SSC5D: variants seen among roughly 807,000 people sequenced by gnomAD.
The protein encoded by SSC5D is soluble scavenger receptor cysteine-rich domain-containing protein SSC5D.
SSC5D carries 106 observed loss-of-function variants against 104.6 expected under a neutral mutation model. The observed-to-expected ratio is 1.01, with a 90% CI of 0.87 to 1.19. The LOEUF is 1.19. Among genes scored for constraint, SSC5D ranks in the 50% most tolerant of loss-of-function variants. The pLI is 0.00. For missense variants in SSC5D, 1,993 were observed against 2,153.8 expected, an observed-to-expected ratio of 0.93 and a Z score of 1.48; for synonymous variants, 860 against 883.5, an observed-to-expected ratio of 0.97 and a Z score of 0.47.
In SSC5D at chr19:55,514,457, T is replaced by TAATAGTC. The variant is rs1555767535; in HGVS notation, c.2947+1286_2947+1287insATAGTCA. 6.3e-4 allele frequency among the ~76,000 whole-genome samples: 83 copies of TAATAGTC among 132,562 alleles called. 2 individuals are homozygous for TAATAGTC. The highest frequency in any genetic ancestry group is 1.5e-3 in the East Asian group (7 of 4,586). 87.0% of individuals were successfully genotyped at this position (132,562 alleles called of 152,430 possible). Reference sequence around the variant, plus strand: ...ATAATAATAATAATAATAATAATAATAGGTGTGGTGGCAGGCGCCTGTAAT... The same window carrying TAATAGTC: ...ATAATAATAATAATAATAATAATAATAATAGTCAGGTGTGGTGGCAGGCGCCTGTAAT... On this transcript the variant is annotated intron_variant, in intron 13 of 13. Transcript: ENST00000389623.
chr19:55,507,663 C>CT (rs1987665730), intron 12 of SSC5D, among the ~76,000 whole-genome samples: 1 of 58,524 alleles, frequency 1.7e-5, no homozygotes. Flanking sequence ...GAGACTCCGT[C>CT]TCAAAAAAAA....
At chr19:55,509,541 CAG>C (rs1331823976) in intron 12 of SSC5D, among the ~76,000 whole-genome samples, 3 of 148,268 alleles carry the variant, frequency 2.0e-5, no homozygotes, top group Admixed American at 6.9e-5. Context: ...CAGAATGAGC[CAG>C]AGTTATGTGT....
chr19:55,488,587 A>G lies in SSC5D; in HGVS notation c.-3A>G. 2 of 1,549,222 alleles carry G rather than the reference A, an allele frequency of 1.3e-6. No homozygotes were observed. Among genetic ancestry groups the G allele is most frequent in the Middle Eastern group, 3.3e-4 (2 of 5,982 alleles). On this transcript the variant is annotated 5_prime_UTR_variant, in exon 1 of 14. Transcript: ENST00000389623. ...CACCCCATCCCCTGCCCTGGCTGCA[A>G]CCATGAGGGTCTTGGCCTGCCTCCT...
rs773975323 is a variant in SSC5D at position 55,494,635 on chromosome 19, C to T, written c.1239C>T (p.Pro413=). The change falls in exon 8 of 14, where the codon CCC becomes CCT. Residue 413 remains proline, a synonymous_variant. Coordinates refer to ENST00000389623, the MANE Select transcript of SSC5D (RefSeq NM_001144950.2). ...GCATGCCCCTGGGCTACGTCCCTCC[C>T]ACGGCCCCCACGGACAGCAACAACT... The part of the protein sequence containing the change: ...CDGMPLGYVP[P]TAPTDSNNST... 7 of 1,542,182 alleles carry T rather than the reference C, an allele frequency of 4.5e-6. No homozygotes were observed. The highest frequency in any genetic ancestry group is 6.1e-6 in the Non-Finnish European group (7 of 1,141,750).
chr19:55,517,446 G>A lies in SSC5D; in HGVS notation c.3170G>A (p.Arg1057Gln). 1.9e-6 allele frequency: 3 copies of A among 1,550,918 alleles called. No homozygotes were observed. The highest frequency in any genetic ancestry group is 8.7e-7 in the Non-Finnish European group (1 of 1,146,954). ...TSPPTPDPAS[R>Q]TNPDLILTSP... ...CCACCCACCCCAGACCCGGCCTCCC[G>A]GACGAACCCCGACCTCATCTTGACA... Residue 1057 changes from arginine to glutamine, a missense_variant, in exon 14 of 14, where the codon CGG becomes CAG. By Grantham distance (43) the Arg-to-Gln change is conservative (BLOSUM62 1). This residue lies in a region of SSC5D where 423 missense variants were observed against 409.2 expected (regional missense o/e 1.03). Transcript: ENST00000389623.
At chr19:55,497,804 G>A (rs1987361663) in intron 8 of SSC5D, 76 bp from the exon 9 acceptor site, 2 of 1,320,858 alleles carry the variant, frequency 1.5e-6, no homozygotes, top group Non-Finnish European at 1.0e-6. Flanking sequence ...AAGATGGGGG[G>A]AGGGAAAGGT....
chr19:55,498,679 A>C (rs929451763), intron 9 of SSC5D, among the ~76,000 whole-genome samples: 1 of 152,238 alleles, frequency 6.6e-6, no homozygotes, highest in Non-Finnish European at 1.5e-5. Flanking sequence ...TGCTGGGCTC[A>C]TGAATGGAAT....
At chr19:55,498,294 C>T in intron 9 of SSC5D, 97 bp downstream of exon 9, 1 of 1,312,642 alleles carries the variant, frequency 7.6e-7, no homozygotes, top group South Asian at 1.3e-5. Flanking sequence ...GCTTCCTAAG[C>T]CCCAGCCCTG....
rs965044987 is a variant in SSC5D, at chr19:55,494,664, C to A, written c.1268C>A (p.Thr423Lys). 9 of 1,549,984 alleles carry A rather than the reference C, an allele frequency of 5.8e-6. No homozygotes were observed. Among genetic ancestry groups the A allele is most frequent in the Non-Finnish European group, 7.9e-6 (9 of 1,146,310 alleles). Reference sequence around the variant, plus strand: ...GCCCCCACGGACAGCAACAACTCCACGCCCAGGGAGGCTGCCTCCAGGCCC... The same window carrying A: ...GCCCCCACGGACAGCAACAACTCCAAGCCCAGGGAGGCTGCCTCCAGGCCC... Reference protein sequence around the residue: ...PTAPTDSNNSTPREAASRPPS... With the variant: ...PTAPTDSNNSKPREAASRPPS... The change falls in exon 8 of 14, where the codon ACG becomes AAG. Residue 423 changes from threonine (T) to lysine (K), a missense_variant. Thr to Lys is a moderately conservative substitution (Grantham distance 78). Transcript: ENST00000389623.
At chr19:55,489,274 C>T in intron 2 of SSC5D, 80 bp from the exon 3 acceptor site, 1 of 1,376,908 alleles carries the variant, frequency 7.3e-7, no homozygotes, top group Non-Finnish European at 9.4e-7. Flanking sequence ...TGCAGGACAG[C>T]CACCTGCCCC....
intron 1 of SSC5D, 25 bp from the exon 2 acceptor site, chr19:55,488,981 C>G: frequency 6.5e-7 from 1 of 1,531,806 alleles, no homozygotes; most frequent in Middle Eastern, 2.1e-4. Context: ...CCTCACACTG[C>G]CCCACCCTCC....
rs1390132096 is a variant in SSC5D at position 55,498,012 on chromosome 19, A to T, written c.1520A>T (p.Glu507Val). ...CGGGATTCAGCTGTGGTCTGCCGGG[A>T]GCTGGGCTGTGGTGGACCTCAGCAG... ...DMRDSAVVCR[E>V]LGCGGPQQPD... Residue 507 changes from glutamate to valine, a missense_variant, in exon 9 of 14, where the codon GAG becomes GTG. By Grantham distance (121) the Glu-to-Val change is moderately radical. Transcript: ENST00000389623. 8 of 1,551,566 alleles carry T rather than the reference A, an allele frequency of 5.2e-6. No homozygotes were observed. The highest frequency in any genetic ancestry group is 7.0e-6 in the Non-Finnish European group (8 of 1,147,014).
rs754198157 is a variant in SSC5D, at chr19:55,499,861, G to A, written c.1751G>A (p.Trp584Ter). 1.3e-6 allele frequency: 2 copies of A among 1,551,628 alleles called. No homozygotes were observed. The highest frequency in any genetic ancestry group is 2.4e-5 in the South Asian group (2 of 84,046). ...DSISDPFSWS[W>*]IPGLGRDRDA... ...ATCTCAGACCCCTTCAGCTGGAGCT[G>A]GATTCCTGGACTGGGGAGAGATCGG... Residue 584 changes from tryptophan (W) to a stop codon, truncating the protein, a stop_gained, in exon 10 of 14, where the codon TGG (tryptophan) becomes TAG (stop). Coordinates refer to ENST00000389623, the MANE Select transcript of SSC5D (RefSeq NM_001144950.2). LOFTEE classifies it high-confidence loss of function.
chr19:55,490,021 AC>A, intron 4 of SSC5D, 26 bp downstream of exon 4: 1 of 1,490,596 alleles, frequency 6.7e-7, no homozygotes. Context: ...TGCCCTGCCA[AC>A]CCCCACCCAG....
At chr19:55,491,124 C>T in intron 6 of SSC5D, 44 bp downstream of exon 6, 1 of 1,515,808 alleles carries the variant, frequency 6.6e-7, no homozygotes, top group Non-Finnish European at 8.8e-7. Flanking sequence ...TTCCTCAGAC[C>T]CCAGCTCCCT....
chr19:55,513,084 T>C lies in SSC5D; in HGVS notation c.2859T>C (p.Pro953=). 1 of 1,551,060 alleles carries C rather than the reference T, an allele frequency of 6.4e-7. No individual in the cohort carries two copies. ...GAAGGGGCCTGGCTGAGGGGACCCC[T>C]ACCGCAGGCAAACTAGGACCAACTC... The part of the protein sequence containing the change: ...PSGRGLAEGT[P]TAGKLGPTLG... Residue 953 remains proline (P), a synonymous_variant, in exon 13 of 14, where the codon CCT becomes CCC. Transcript: ENST00000389623.
chr19:55,493,317 C>T (rs1033207367), intron 6 of SSC5D, among the ~76,000 whole-genome samples: 3 of 152,108 alleles, frequency 2.0e-5, no homozygotes, highest in South Asian at 2.1e-4. Context: ...CTCTAGGATC[C>T]GAGGGGCCAG....
chr19:55,501,243 A>C, intron 12 of SSC5D, 42 bp downstream of exon 12: 2 of 1,466,350 alleles, frequency 1.4e-6, no homozygotes, highest in Non-Finnish European at 1.8e-6. Context: ...GCCTCCATAA[A>C]CCTCCATTCG....
chr19:55,489,872 C>T lies in SSC5D; in HGVS notation c.362-10C>T, dbSNP rs200326882. The T allele has an allele frequency of 8.2e-5, 127 of 1,547,642 alleles. No individual in the cohort carries two copies. The highest frequency in any genetic ancestry group is 1.1e-4 in the Non-Finnish European group (122 of 1,144,118). ...TCCTCATAGCTTCTGTCCCTGCCCC[C>T]CCGCCGCAGGTCAGCGTGTGGCTAA... On this transcript the variant is annotated splice_polypyrimidine_tract_variant and intron_variant, in intron 3 of 13. Transcript: ENST00000389623.
Sources: gnomAD v4.1 joint callset for allele counts (sites outside exome capture counted in the v4.1 genomes callset) on GRCh38, gnomAD v4.1.1 for gene constraint, gnomAD v4.1.1 regional missense constraint, MANE v1.5 for transcripts, NCBI Gene and HGNC (gene_info 2026-07-23, HGNC 2026-07-21) for gene names.